Variants in STAU2 observed in about 807,000 individuals in gnomAD.
STAU2 encodes double-stranded RNA-binding protein Staufen homolog 2.
Under a neutral mutation model 65.9 loss-of-function variants are expected in STAU2, and 20 were observed. The observed-to-expected ratio is 0.30, with a 90% CI of 0.21 to 0.44. The LOEUF is 0.44. Ranked by LOEUF, STAU2 falls within the 20% of genes least tolerant of loss-of-function variation. The probability of loss-of-function intolerance (pLI) is 1.00; values close to 1 mark genes in which losing one functional copy is unlikely to be tolerated. For missense variants in STAU2, 558 were observed against 683.9 expected (o/e 0.82, Z 2.05); for synonymous variants, 232 against 233.9 (o/e 0.99, Z 0.07).
rs144317546 is a variant in STAU2, at chr8:73,698,772, C to G, written c.115-9959G>C. Among the ~76,000 whole-genome samples, 336 of 152,024 alleles carry G rather than the reference C, an allele frequency of 2.2e-3. 1 individual carries two copies. Among genetic ancestry groups the G allele is most frequent in the Non-Finnish European group, 3.3e-3 (223 of 67,944 alleles). ...CCCAGAAAGAAAATCAACAAAGAAA[C>G]ATCAGAGTTATTCTGCACTATAGAC... On this transcript the variant is annotated intron_variant, in intron 4 of 14. Coordinates refer to ENST00000524300, the MANE Select transcript of STAU2 (RefSeq NM_001164380.2).
intron 6 of STAU2, among the ~76,000 whole-genome samples, chr8:73,659,193 G>A (rs758897471): frequency 1.5e-4 from 23 of 152,222 alleles, no homozygotes; most frequent in Non-Finnish European, 2.5e-4. Flanking sequence ...AAACCTTTCA[G>A]AATTCTGAAT....
intron 13 of STAU2, among the ~76,000 whole-genome samples, chr8:73,508,443 T>C (rs922298063): frequency 6.6e-6 from 1 of 152,168 alleles, no homozygotes; most frequent in Non-Finnish European, 1.5e-5. Context: ...CACCATCTTA[T>C]ATGGGCATGA....
chr8:73,575,300 T>C (rs1212776430), intron 12 of STAU2, among the ~76,000 whole-genome samples: 7 of 152,184 alleles, frequency 4.6e-5, no homozygotes, highest in African/African-American at 1.7e-4. Context: ...AATACCATAT[T>C]TCAACTATCA....
chr8:73,469,205 AC>A (rs927913985), intron 13 of STAU2, among the ~76,000 whole-genome samples: 2 of 152,164 alleles, frequency 1.3e-5, no homozygotes, highest in Non-Finnish European at 2.9e-5. Context: ...TATCACAAGG[AC>A]AAAAAATCAA....
At chr8:73,440,385 G>A (rs1024486420) in intron 13 of STAU2, 12 of 152,116 alleles carry the variant, frequency 7.9e-5, no homozygotes, top group African/African-American at 2.2e-4. Flanking sequence ...TGCCCAAAAC[G>A]AAACTTGATT....
chr8:73,688,235 G>C (rs537845233), intron 5 of STAU2, among the ~76,000 whole-genome samples: 1 of 146,194 alleles, frequency 6.8e-6, no homozygotes, highest in African/African-American at 2.5e-5. Flanking sequence ...GGAGTGCAAT[G>C]GCGCGATCTT....
At chr8:73,577,300 C>T (rs200965715) in intron 12 of STAU2, among the ~76,000 whole-genome samples, 5 of 151,736 alleles carry the variant, frequency 3.3e-5, no homozygotes, top group East Asian at 3.9e-4. Flanking sequence ...TGGTGGCAGG[C>T]GCCTATAGTC....
chr8:73,677,692 T>C (rs369401597), intron 5 of STAU2, among the ~76,000 whole-genome samples: 47 of 152,256 alleles, frequency 3.1e-4, no homozygotes, highest in East Asian at 1.9e-4. Flanking sequence ...GAAGCTTCCA[T>C]AGCACTAGTA....
At chr8:73,592,931 T>C (rs1370616239) in intron 11 of STAU2, among the ~76,000 whole-genome samples, 1 of 152,238 alleles carries the variant, frequency 6.6e-6, no homozygotes, top group Admixed American at 6.5e-5. Context: ...AAAAGTCTTA[T>C]TGATAAATCA....
At chr8:73,484,333 T>C (rs924329128) in intron 13 of STAU2, among the ~76,000 whole-genome samples, 5 of 152,146 alleles carry the variant, frequency 3.3e-5, no homozygotes, top group African/African-American at 1.2e-4. Context: ...TAACGTAACA[T>C]CCTTGAAAGG....
intron 6 of STAU2, among the ~76,000 whole-genome samples, chr8:73,641,430 A>C (rs1053867906): frequency 6.6e-6 from 1 of 152,212 alleles, no homozygotes; most frequent in African/African-American, 2.4e-5. Flanking sequence ...GTAATACTGA[A>C]ATGTCTTAGA....
At chr8:73,541,643 G>A (rs1287558962) in intron 13 of STAU2, among the ~76,000 whole-genome samples, 2 of 152,006 alleles carry the variant, frequency 1.3e-5, no homozygotes, top group East Asian at 3.8e-4. Context: ...GGATTTAGTT[G>A]ACAAAAAACT....
chr8:73,442,459 AT>A (rs1193297603), intron 13 of STAU2, among the ~76,000 whole-genome samples: 3 of 152,192 alleles, frequency 2.0e-5, no homozygotes, highest in Non-Finnish European at 4.4e-5. Flanking sequence ...AAATATCCTC[AT>A]TAAGACAATT....
intron 9 of STAU2, among the ~76,000 whole-genome samples, chr8:73,604,670 A>AT (rs1468310553): frequency 6.6e-6 from 1 of 152,246 alleles, no homozygotes; most frequent in Non-Finnish European, 1.5e-5. Flanking sequence ...AAAACTCAAT[A>AT]TATGAAATGA....
chr8:73,658,826 T>A (rs1816586471), intron 6 of STAU2, among the ~76,000 whole-genome samples: 1 of 151,762 alleles, frequency 6.6e-6, no homozygotes, highest in South Asian at 2.1e-4. Flanking sequence ...GGCAGAAGAA[T>A]CGCTTGAACC....
chr8:73,456,858 T>G (rs1244590275), intron 13 of STAU2, among the ~76,000 whole-genome samples: 11 of 152,160 alleles, frequency 7.2e-5, no homozygotes, highest in Non-Finnish European at 1.5e-4. Context: ...TTCCAGGAGT[T>G]GTACAGAACA....
chr8:73,587,075 C>G (rs1236090282), intron 11 of STAU2, among the ~76,000 whole-genome samples: 1 of 151,894 alleles, frequency 6.6e-6, no homozygotes, highest in Admixed American at 6.6e-5. Flanking sequence ...AATAGAAAAG[C>G]ATCGAGAGGG....
chr8:73,496,089 TTAAA>T (rs1323869749), intron 13 of STAU2, among the ~76,000 whole-genome samples: 1 of 151,598 alleles, frequency 6.6e-6, no homozygotes, highest in South Asian at 2.1e-4. Flanking sequence ...AGAGACCCAC[TTAAA>T]TAGAGAGATG....
At chr8:73,716,753 G>A (rs1323532374) in intron 3 of STAU2, among the ~76,000 whole-genome samples, 1 of 151,846 alleles carries the variant, frequency 6.6e-6, no homozygotes, top group Non-Finnish European at 1.5e-5. Flanking sequence ...TGCTGAATTT[G>A]AAGAGTTCTT....
Sources: gnomAD v4.1 joint callset for allele counts (sites outside exome capture counted in the v4.1 genomes callset) on GRCh38, gnomAD v4.1.1 for gene constraint, MANE v1.5 for transcripts, NCBI Gene and HGNC (gene_info 2026-07-23, HGNC 2026-07-21) for gene names.